GALNT14: variants seen among roughly 807,000 people sequenced by gnomAD.
GALNT14 encodes polypeptide N-acetylgalactosaminyltransferase 14.
Under a neutral mutation model 77.5 loss-of-function variants are expected in GALNT14, and 60 were observed. The ratio of observed to expected loss-of-function variants is 0.77; its 90% confidence interval spans 0.63 to 0.96. The LOEUF is 0.96. Ranked by LOEUF, GALNT14 falls within the 40% of genes least tolerant of loss-of-function variation. GALNT14 has a pLI of 0.00. For synonymous variants in GALNT14, 280 were observed against 281.7 expected, an observed-to-expected ratio of 0.99 and a Z score of 0.06; for missense variants, 710 against 731.0, an observed-to-expected ratio of 0.97 and a Z score of 0.33.
chr2:31,028,865 G>A (rs906180406), intron 1 of GALNT14, among the ~76,000 whole-genome samples: 2 of 152,180 alleles, frequency 1.3e-5, no homozygotes, highest in Non-Finnish European at 2.9e-5. Context: ...AGAAGGGAAG[G>A]ACGGCTCCCA....
Position 30,955,528 on chromosome 2 carries a change from G to T in GALNT14, c.654+90C>A, listed in dbSNP as rs182398222. 494 of 1,509,832 alleles carry T rather than the reference G, an allele frequency of 3.3e-4. 3 individuals are homozygous for T. In the African/African-American group the frequency reaches 6.5e-3, roughly 20 times the overall value. The allele number at this position is 1,509,832 out of a possible 1,614,324, so 93.5% of individuals were successfully genotyped here. ...GTTCTGCCCACCTCCCAGAAGAACT[G>T]GGGGTTGCACATGTGAAGTAATGAG... On this transcript the variant is annotated intron_variant, in intron 6 of 14. Transcript: ENST00000349752.
the GALNT14 span, among the ~76,000 whole-genome samples, chr2:30,895,962 T>C: frequency 1.3e-5 from 2 of 152,188 alleles, no homozygotes; most frequent in Non-Finnish European, 2.9e-5. Context: ...TTGGGAGGCA[T>C]GGCCACTGAG....
intron 1 of GALNT14, among the ~76,000 whole-genome samples, chr2:31,076,278 T>C (rs1217334131): frequency 6.6e-6 from 1 of 152,206 alleles, no homozygotes; most frequent in Admixed American, 6.5e-5. Flanking sequence ...ATGACTCATA[T>C]TCTCTGTACG....
intron 2 of GALNT14, chr2:30,986,958 T>C (rs140312784): frequency 6.6e-6 from 1 of 152,142 alleles, no homozygotes; most frequent in Non-Finnish European, 1.5e-5. Flanking sequence ...GGCCAGTGTA[T>C]GAGTATATAT....
intron 1 of GALNT14, among the ~76,000 whole-genome samples, chr2:31,012,620 A>G (rs1038353612): frequency 6.6e-6 from 1 of 152,210 alleles, no homozygotes; most frequent in African/African-American, 2.4e-5. Flanking sequence ...ACATGGTGAA[A>G]AAAGGGTTAA....
intron 1 of GALNT14, among the ~76,000 whole-genome samples, chr2:31,074,137 C>T (rs1163494850): frequency 6.6e-6 from 1 of 152,158 alleles, no homozygotes; most frequent in East Asian, 1.9e-4. Context: ...CAGCTCACTG[C>T]CCAGGAGAAG....
In GALNT14 at chr2:30,910,946, A is replaced by G; in HGVS notation, c.1614T>C (p.Cys538=). 2 of 1,613,458 alleles carry G rather than the reference A, an allele frequency of 1.2e-6. No homozygotes were observed. Among genetic ancestry groups the G allele is most frequent in the South Asian group, 2.2e-5 (2 of 91,038 alleles). The change falls in exon 15 of 15, where the codon TGT becomes TGC. Residue 538 remains cysteine, a synonymous_variant. Transcript: ENST00000349752. ...ENGKEIVVNP[C]ESSLMSQHWD... is the part of the protein sequence containing the mutation. The stretch of plus-strand genomic sequence containing the variant: ...AGTGCTGGCTCATGAGTGAGGACTC[A>G]CATGGGTTGACGACGATTTCCTTGC...
At chr2:30,954,458 T>TA (rs1038661335) in intron 6 of GALNT14, among the ~76,000 whole-genome samples, 8 of 152,164 alleles carry the variant, frequency 5.3e-5, no homozygotes, top group Non-Finnish European at 1.2e-4. Context: ...CCTCCTGGGT[T>TA]CAAGCGATTC....
At chr2:31,007,122 G>A (rs373084741) in intron 1 of GALNT14, among the ~76,000 whole-genome samples, 1 of 152,160 alleles carries the variant, frequency 6.6e-6, no homozygotes, top group Non-Finnish European at 1.5e-5. Context: ...CTCTTTTTAT[G>A]TCAAAAGCAG....
the GALNT14 span, among the ~76,000 whole-genome samples, chr2:30,904,483 G>T: frequency 5.4e-4 from 82 of 152,296 alleles, no homozygotes; most frequent in Non-Finnish European, 9.3e-4. Context: ...ACTCCCACCC[G>T]AATACTGCGC....
chr2:31,044,613 A>G (rs943587715), intron 1 of GALNT14, among the ~76,000 whole-genome samples: 6 of 152,148 alleles, frequency 3.9e-5, no homozygotes, highest in Non-Finnish European at 7.3e-5. Flanking sequence ...TTGGATAGAC[A>G]GAAGTATAGG....
intron 1 of GALNT14, among the ~76,000 whole-genome samples, chr2:31,060,186 G>A (rs944423801): frequency 7.9e-5 from 12 of 152,114 alleles, no homozygotes; most frequent in South Asian, 2.1e-4. Context: ...AGCCAGGACC[G>A]GAACCAAGGA....
At chr2:31,015,809 A>G (rs1208547523) in intron 1 of GALNT14, among the ~76,000 whole-genome samples, 1 of 152,252 alleles carries the variant, frequency 6.6e-6, no homozygotes, top group Non-Finnish European at 1.5e-5. Context: ...TCAGCGTGTC[A>G]AGGTCACGTA....
At chr2:31,057,990 C>T (rs889565235) in intron 1 of GALNT14, among the ~76,000 whole-genome samples, 12 of 152,160 alleles carry the variant, frequency 7.9e-5, no homozygotes, top group African/African-American at 2.7e-4. Flanking sequence ...TCGGGGACCT[C>T]TGCCAGGGCT....
chr2:30,969,445 A>G (rs1406813878), intron 2 of GALNT14, among the ~76,000 whole-genome samples: 2 of 152,150 alleles, frequency 1.3e-5, no homozygotes, highest in African/African-American at 4.8e-5. Flanking sequence ...ACTGAGAGTT[A>G]TCTCCTTTGA....
intron 1 of GALNT14, among the ~76,000 whole-genome samples, chr2:31,023,087 T>C (rs1013373725): frequency 3.9e-5 from 6 of 152,014 alleles, no homozygotes; most frequent in Middle Eastern, 3.2e-3. Context: ...TTTTGACAGA[T>C]TGAGATATGG....
At chr2:30,976,279 A>G (rs1298268338) in intron 2 of GALNT14, among the ~76,000 whole-genome samples, 2 of 152,144 alleles carry the variant, frequency 1.3e-5, no homozygotes, top group Non-Finnish European at 2.9e-5. Context: ...GACTCGTGCA[A>G]TCTGGGCTCA....
intron 1 of GALNT14, among the ~76,000 whole-genome samples, chr2:30,995,826 T>C (rs971083475): frequency 6.6e-6 from 1 of 152,184 alleles, no homozygotes; most frequent in Admixed American, 6.5e-5. Context: ...CTTTTATATA[T>C]ATAGTTTAAG....
chr2:31,086,215 C>T (rs1676422649), intron 1 of GALNT14, among the ~76,000 whole-genome samples: 1 of 152,192 alleles, frequency 6.6e-6, no homozygotes, highest in Admixed American at 6.5e-5. Flanking sequence ...CTGGACTAAA[C>T]CTTGGTCTTC....
Sources: allele counts gnomAD v4.1 joint callset (sites outside exome capture counted in the v4.1 genomes callset), GRCh38; gene constraint gnomAD v4.1.1; transcripts MANE v1.5; gene names NCBI Gene and HGNC (gene_info 2026-07-23, HGNC 2026-07-21).